Variants in BNC2 observed in about 807,000 individuals in gnomAD.
The protein encoded by BNC2 is zinc finger protein basonuclin-2.
BNC2 carries 20 observed loss-of-function variants against 76.3 expected under a neutral mutation model. The ratio of observed to expected loss-of-function variants is 0.26; its 90% CI spans 0.18 to 0.38. The LOEUF (loss-of-function observed/expected upper bound fraction) is 0.38. Among genes scored for constraint, BNC2 ranks in the 10% least tolerant of loss-of-function variants. BNC2 has a pLI of 1.00. For missense variants in BNC2, 1,382 were observed against 1,399.8 expected (o/e 0.99, Z 0.20); for synonymous variants, 582 against 514.8 (o/e 1.13, Z -1.77).
intron 1 of BNC2, among the ~76,000 whole-genome samples, chr9:16,847,402 GGGGGGGGGGGGGC>G (rs1563969565): frequency 3.7e-5 from 1 of 27,242 alleles, no homozygotes; most frequent in South Asian, 1.8e-3. Context: ...TTCTCGGGGC[GGGGGGGGGGGGGC>G]GGCGGGCAAC....
chr9:16,797,998 C>T (rs1817698224), intron 1 of BNC2, among the ~76,000 whole-genome samples: 2 of 152,166 alleles, frequency 1.3e-5, no homozygotes, highest in African/African-American at 2.4e-5. Flanking sequence ...TAATTACCAG[C>T]TAGGCTCTGC....
chr9:16,627,700 G>A (rs1821038130), intron 3 of BNC2, among the ~76,000 whole-genome samples: 1 of 152,134 alleles, frequency 6.6e-6, no homozygotes, highest in Non-Finnish European at 1.5e-5. Flanking sequence ...CTTATGAGCT[G>A]TAATACCATA....
chr9:16,797,375 T>G (rs1387144586), intron 1 of BNC2, among the ~76,000 whole-genome samples: 1 of 152,194 alleles, frequency 6.6e-6, no homozygotes, highest in Non-Finnish European at 1.5e-5. Context: ...GTACTATAGA[T>G]TTGACATCCC....
At chr9:16,706,802 G>A (rs1418019736) in intron 3 of BNC2, among the ~76,000 whole-genome samples, 1 of 152,116 alleles carries the variant, frequency 6.6e-6, no homozygotes, top group Non-Finnish European at 1.5e-5. Context: ...CTGGGGGGAG[G>A]GGAGAATCAA....
intron 3 of BNC2, among the ~76,000 whole-genome samples, chr9:16,718,746 A>C (rs1011165629): frequency 4.6e-5 from 7 of 152,250 alleles, no homozygotes; most frequent in Non-Finnish European, 8.8e-5. Flanking sequence ...CAAGATTCTT[A>C]GGATGGAGAA....
intron 5 of BNC2, among the ~76,000 whole-genome samples, chr9:16,514,258 T>A (rs998813117): frequency 6.6e-6 from 1 of 152,214 alleles, no homozygotes. Flanking sequence ...TTACTAGGTT[T>A]CAAACCAAAT....
chr9:16,867,653 A>T (rs1483030172), intron 1 of BNC2: 1 of 152,172 alleles, frequency 6.6e-6, no homozygotes, highest in Non-Finnish European at 1.5e-5. Context: ...AATATAAGAA[A>T]TATTCCCAGG....
chr9:16,615,450 G>A (rs970264561), intron 3 of BNC2, among the ~76,000 whole-genome samples: 1 of 152,150 alleles, frequency 6.6e-6, no homozygotes, highest in Non-Finnish European at 1.5e-5. Flanking sequence ...AGATCGTCAT[G>A]TGAGAGGTGC....
chr9:16,818,107 A>T (rs1425377942), intron 1 of BNC2, among the ~76,000 whole-genome samples: 2 of 152,174 alleles, frequency 1.3e-5, no homozygotes, highest in Non-Finnish European at 2.9e-5. Context: ...ATAAAATAAA[A>T]ATTAAAAAAA....
At chr9:16,790,447 G>C (rs1265828118) in intron 1 of BNC2, among the ~76,000 whole-genome samples, 2 of 152,162 alleles carry the variant, frequency 1.3e-5, no homozygotes, top group African/African-American at 4.8e-5. Context: ...CAGAAACTCT[G>C]AGAATTGTTT....
At chr9:16,529,056 C>T (rs956920832) in intron 5 of BNC2, among the ~76,000 whole-genome samples, 35 of 152,170 alleles carry the variant, frequency 2.3e-4, no homozygotes, top group African/African-American at 8.2e-4. Context: ...TTTACCTCAC[C>T]TCCTCCTTTG....
chr9:16,817,733 T>C (rs1203924871), intron 1 of BNC2, among the ~76,000 whole-genome samples: 21 of 152,286 alleles, frequency 1.4e-4, no homozygotes, highest in Non-Finnish European at 5.9e-5. Context: ...ATTTACAGCT[T>C]TTGCTCATAC....
chr9:16,463,294 CTTTTTT>C (rs34855187), intron 5 of BNC2, among the ~76,000 whole-genome samples: 1 of 105,602 alleles, frequency 9.5e-6, no homozygotes, highest in Non-Finnish European at 1.7e-5. Flanking sequence ...GTATTAAATT[CTTTTTT>C]TTTTTTTTTT....
rs1387966029 is a variant in BNC2 at position 16,749,310 on chromosome 9, T to A, written c.4-10825A>T. Among the ~76,000 whole-genome samples, 6 of 152,184 alleles carry A rather than the reference T, an allele frequency of 3.9e-5. No homozygotes were observed. The South Asian group carries it at 1.0e-3, about 26-fold the overall frequency. On this transcript the variant is annotated intron_variant, in intron 1 of 6. Transcript: ENST00000380672. ...AGTACACGTGTTGTTAGTTATAATA[T>A]ATCCAGGAACATACGTTATTTGGTT... is the stretch of plus-strand genomic sequence containing the variant.
chr9:16,839,891 C>A (rs1263762538), intron 1 of BNC2, among the ~76,000 whole-genome samples: 1 of 152,214 alleles, frequency 6.6e-6, no homozygotes, highest in Non-Finnish European at 1.5e-5. Flanking sequence ...CACACACCCA[C>A]CACCACCCCA....
chr9:16,791,683 T>C (rs967547765), intron 1 of BNC2, among the ~76,000 whole-genome samples: 3 of 152,162 alleles, frequency 2.0e-5, no homozygotes, highest in Non-Finnish European at 2.9e-5. Context: ...ACACTGTTAC[T>C]AGTAACAAAG....
chr9:16,464,007 T>C (rs771093861), intron 5 of BNC2, among the ~76,000 whole-genome samples: 5 of 149,486 alleles, frequency 3.3e-5, no homozygotes, highest in Non-Finnish European at 7.4e-5. Flanking sequence ...AACAAGAGAA[T>C]TGCTTGAACC....
intron 5 of BNC2, among the ~76,000 whole-genome samples, chr9:16,485,364 T>C (rs79857260): frequency 6.6e-6 from 1 of 152,144 alleles, no homozygotes; most frequent in Non-Finnish European, 1.5e-5. Flanking sequence ...GTTTGCATTT[T>C]TGTAAAGTTG....
At chr9:16,428,416 T>C (rs1271302441) in intron 6 of BNC2, among the ~76,000 whole-genome samples, 1 of 152,180 alleles carries the variant, frequency 6.6e-6, no homozygotes, top group Non-Finnish European at 1.5e-5. Context: ...TTATTTCCCA[T>C]CAATGTGATA....
Sources: allele counts gnomAD v4.1 joint callset (sites outside exome capture counted in the v4.1 genomes callset), GRCh38; gene constraint gnomAD v4.1.1; transcripts MANE v1.5; gene names NCBI Gene and HGNC (gene_info 2026-07-23, HGNC 2026-07-21).